Variants in PKHD1L1 observed in about 807,000 individuals in gnomAD.
The protein encoded by PKHD1L1 is PKHD1 like 1, also known as fibrocystin-L.
PKHD1L1 carries 434 observed loss-of-function variants against 462.9 expected under a neutral mutation model. The ratio of observed to expected loss-of-function variants is 0.94; its 90% CI spans 0.87 to 1.02. The LOEUF is 1.02. PKHD1L1 is among the 50% of genes least tolerant of loss of function. PKHD1L1 has a pLI of 0.00. For synonymous variants in PKHD1L1, 1,781 were observed against 1,750.0 expected, an observed-to-expected ratio of 1.02 and a Z score of -0.44; for missense variants, 5,202 against 5,096.1, an observed-to-expected ratio of 1.02 and a Z score of -0.63.
intron 2 of PKHD1L1, among the ~76,000 whole-genome samples, chr8:109,372,061 G>T (rs1811540438): frequency 6.6e-6 from 1 of 152,150 alleles, no homozygotes; most frequent in Non-Finnish European, 1.5e-5. Context: ...GTAGCTTGAT[G>T]GGGATGGCAT....
chr8:109,486,947 A>G (rs1368590120), intron 59 of PKHD1L1, 126 bp downstream of exon 59: 1 of 977,064 alleles, frequency 1.0e-6, no homozygotes, highest in Non-Finnish European at 1.5e-6. Flanking sequence ...ATTAAAAGTG[A>G]TTATGTAGCC....
At chr8:109,440,988 T>C (rs1481942594) in intron 33 of PKHD1L1, 136 bp downstream of exon 33, 2 of 1,099,862 alleles carry the variant, frequency 1.8e-6, no homozygotes, top group African/African-American at 3.1e-5. Context: ...TAAGTGTATT[T>C]GGTTAAAGTG....
At chr8:109,511,334 T>C (rs1819967017) in intron 71 of PKHD1L1, among the ~76,000 whole-genome samples, 1 of 110,942 alleles carries the variant, frequency 9.0e-6, no homozygotes, top group African/African-American at 3.5e-5. Context: ...CCTAAAGCTA[T>C]CCCTCCCCCC....
chr8:109,371,322 A>C (rs1811494848), intron 2 of PKHD1L1, among the ~76,000 whole-genome samples: 1 of 152,114 alleles, frequency 6.6e-6, no homozygotes, highest in Non-Finnish European at 1.5e-5. Flanking sequence ...GTGTCTGTTC[A>C]TATCCTTTGC....
chr8:109,466,904 A>T (rs1586574649), intron 50 of PKHD1L1, 135 bp downstream of exon 50: 1 of 802,104 alleles, frequency 1.2e-6, no homozygotes, highest in East Asian at 2.7e-5. Context: ...TCCAAGCAGG[A>T]AACAAATAAT....
chr8:109,515,317 G>GA lies in PKHD1L1; in HGVS notation c.11689+18dup, dbSNP rs768227440. On this transcript the variant is annotated intron_variant, in intron 72 of 77. Coordinates refer to ENST00000378402, the MANE Select transcript of PKHD1L1 (RefSeq NM_177531.6). Reference sequence around the variant, plus strand: ...CCATCTGTACAAAGGTATTGTCTCAGAAAAAATACAGTACACATGGAAAAT... The same window carrying GA: ...CCATCTGTACAAAGGTATTGTCTCAGAAAAAAATACAGTACACATGGAAAAT... 5.2e-5 allele frequency: 79 copies of GA among 1,524,564 alleles called. No individual in the cohort carries two copies. The highest frequency in any genetic ancestry group is 6.3e-5 in the Non-Finnish European group (71 of 1,132,094). The allele number at this position is 1,524,564 out of a possible 1,614,324, so 94.4% of individuals were successfully genotyped here.
intron 49 of PKHD1L1, among the ~76,000 whole-genome samples, chr8:109,466,302 G>A (rs1817435139): frequency 6.6e-6 from 1 of 152,088 alleles, no homozygotes; most frequent in East Asian, 1.9e-4. Context: ...TCCTTGAATA[G>A]GCTACTCATC....
At chr8:109,384,988 A>G (rs560801759) in intron 5 of PKHD1L1, among the ~76,000 whole-genome samples, 53 of 152,096 alleles carry the variant, frequency 3.5e-4, no homozygotes, top group Admixed American at 2.8e-3. Context: ...TTTTGAATTT[A>G]TCATTTACTT....
intron 77 of PKHD1L1, 49 bp from the exon 78 acceptor site, chr8:109,530,031 A>C (rs775538206): frequency 9.0e-7 from 1 of 1,110,708 alleles, no homozygotes; most frequent in South Asian, 2.1e-5. Flanking sequence ...AAATTATACT[A>C]TATGCTATTT....
chr8:109,438,527 G>A (rs1410425331), intron 31 of PKHD1L1, 71 bp downstream of exon 31: 4 of 1,369,402 alleles, frequency 2.9e-6, no homozygotes, highest in African/African-American at 3.0e-5. Context: ...GGCTTTTGAA[G>A]CATAGTTTCT....
At chr8:109,441,234 A>G in intron 33 of PKHD1L1, 41 bp from the exon 34 acceptor site, 1 of 1,345,788 alleles carries the variant, frequency 7.4e-7, no homozygotes. Flanking sequence ...ATTTGACAAA[A>G]TGTTTGCTTT....
Position 109,507,815 on chromosome 8 carries a change from G to A in PKHD1L1, c.11147G>A (p.Gly3716Glu). 1 of 1,613,562 alleles carries A rather than the reference G, an allele frequency of 6.2e-7. No homozygotes were observed. ...EWDGNSQVGI[G>E]DYRIPKAMLT... is the part of the protein sequence containing the mutation. ...GACGGAAACAGCCAAGTAGGAATTG[G>A]AGACTACAGAATTCCTAAGGCGATG... Residue 3716 changes from glycine to glutamate, a missense_variant, in exon 69 of 78, where the codon GGA (glycine) becomes GAA (glutamate). By Grantham distance (98) the Gly-to-Glu change is moderately conservative. This residue lies in a region of PKHD1L1 where 698 missense variants were observed against 736.3 expected (regional missense o/e 0.95). Transcript: ENST00000378402.
chr8:109,470,541 T>G lies in PKHD1L1; in HGVS notation c.8605+3772T>G, dbSNP rs145873091. 1.3e-3 allele frequency: 2,140 copies of G among 1,610,328 alleles called. 27 individuals carry two copies. The African/African-American group carries it at 0.025, about 19-fold the overall frequency. Reference sequence around the variant, plus strand: ...AAAAGAAGCAGGGATTTGATTTTGATTCCTTTATTGCAGGAACTATTCAGC... The same window carrying G: ...AAAAGAAGCAGGGATTTGATTTTGAGTCCTTTATTGCAGGAACTATTCAGC... On this transcript the variant is annotated intron_variant, in intron 50 of 77. Coordinates refer to ENST00000378402, the MANE Select transcript of PKHD1L1 (RefSeq NM_177531.6).
chr8:109,381,541 ATCATTT>A, intron 3 of PKHD1L1, 27 bp downstream of exon 3: 1 of 1,454,246 alleles, frequency 6.9e-7, no homozygotes, highest in Middle Eastern at 2.0e-4. Flanking sequence ...CTTTAATAAA[ATCATTT>A]TCATCATATC....
intron 43 of PKHD1L1, among the ~76,000 whole-genome samples, chr8:109,453,460 A>AC (rs1463886833): frequency 2.0e-5 from 3 of 152,202 alleles, no homozygotes; most frequent in Non-Finnish European, 4.4e-5. Context: ...AATTGCATGT[A>AC]AAAGAATCAT....
intron 65 of PKHD1L1, among the ~76,000 whole-genome samples, chr8:109,498,039 C>T (rs1321380540): frequency 6.6e-6 from 1 of 150,442 alleles, no homozygotes; most frequent in Non-Finnish European, 1.5e-5. Context: ...TTATAGTTTG[C>T]ATTTTATTTA....
At chr8:109,479,883 AC>A in intron 54 of PKHD1L1, 107 bp from the exon 55 acceptor site, 1 of 1,099,042 alleles carries the variant, frequency 9.1e-7, no homozygotes, top group Non-Finnish European at 1.3e-6. Flanking sequence ...ATATGAAAAG[AC>A]ATGTCATAAA....
At chr8:109,451,324 A>G (rs984317962) in intron 41 of PKHD1L1, among the ~76,000 whole-genome samples, 175 bp downstream of exon 41, 2 of 152,184 alleles carry the variant, frequency 1.3e-5, no homozygotes, top group Non-Finnish European at 2.9e-5. Flanking sequence ...TTGAGTATTT[A>G]TTTTGTGGCA....
Position 109,454,218 on chromosome 8 carries a change from T to G in PKHD1L1, c.6716T>G (p.Ile2239Ser). Residue 2239 changes from isoleucine (I) to serine (S), a missense_variant, in exon 44 of 78, where the codon ATT (isoleucine) becomes AGT (serine). Coordinates refer to ENST00000378402, the MANE Select transcript of PKHD1L1 (RefSeq NM_177531.6). ...EADIELQAEN[I>S]LITDGGVLQI... Reference sequence around the variant, plus strand: ...GACATTGAACTCCAGGCAGAAAATATTCTAATTACAGATGGAGGTGTTCTT... The same window carrying G: ...GACATTGAACTCCAGGCAGAAAATAGTCTAATTACAGATGGAGGTGTTCTT... 3 of 1,608,134 alleles carry G rather than the reference T, an allele frequency of 1.9e-6. No homozygotes were observed. The highest frequency in any genetic ancestry group is 2.5e-6 in the Non-Finnish European group (3 of 1,176,978).
Sources: allele counts gnomAD v4.1 joint callset (sites outside exome capture counted in the v4.1 genomes callset), GRCh38; gene constraint gnomAD v4.1.1; regional missense constraint gnomAD v4.1.1; transcripts MANE v1.5; gene names NCBI Gene and HGNC (gene_info 2026-07-23, HGNC 2026-07-21).